Variants in SCML2 observed in about 807,000 individuals in gnomAD.
SCML2 encodes the protein Scm polycomb group protein like 2.
Under a neutral mutation model 48.4 loss-of-function variants are expected in SCML2, and 6 were observed. The observed-to-expected ratio is 0.12, with a 90% CI of 0.07 to 0.24. The LOEUF is 0.24. Ranked by LOEUF, SCML2 falls within the 10% of genes least tolerant of loss-of-function variation. The pLI is 1.00. For synonymous variants in SCML2, 181 were observed against 189.5 expected (o/e 0.95, Z 0.37); for missense variants, 377 against 528.2 (o/e 0.71, Z 2.81).
At chrX:18,348,014 T>C (rs756259501) in intron 1 of SCML2, among the ~76,000 whole-genome samples, 1 of 112,053 alleles carries the variant, frequency 8.9e-6, no homozygotes, top group Non-Finnish European at 1.9e-5. Context: ...AGTTAATCAC[T>C]TGCAATTTCA....
intron 11 of SCML2, among the ~76,000 whole-genome samples, chrX:18,253,071 G>C (rs899349445): frequency 8.9e-6 from 1 of 111,773 alleles, no homozygotes; most frequent in Non-Finnish European, 1.9e-5. Flanking sequence ...TGAGGAAGAA[G>C]GCTAAAGAGC....
intron 7 of SCML2, among the ~76,000 whole-genome samples, chrX:18,284,856 C>A (rs1927989453): frequency 9.0e-6 from 1 of 111,636 alleles, no homozygotes; most frequent in Non-Finnish European, 1.9e-5. Context: ...GCCTGACCAA[C>A]ATGGAAAAAC....
chrX:18,251,506 A>G (rs757949140), intron 11 of SCML2, among the ~76,000 whole-genome samples: 2 of 111,126 alleles, frequency 1.8e-5, no homozygotes, highest in African/African-American at 6.6e-5. Flanking sequence ...ATTTCTCTGA[A>G]GATATACAAA....
chrX:18,317,103 T>C (rs1317927688), intron 6 of SCML2, among the ~76,000 whole-genome samples: 5 of 112,144 alleles, frequency 4.5e-5, no homozygotes, highest in African/African-American at 6.5e-5. Context: ...AAATTTTTTT[T>C]CAGGCAGGGT....
intron 7 of SCML2, among the ~76,000 whole-genome samples, chrX:18,290,853 G>A (rs1928209428): frequency 9.0e-6 from 1 of 110,966 alleles, no homozygotes; most frequent in African/African-American, 3.3e-5. Context: ...CTAAGTTGCT[G>A]GATTATCCTG....
intron 7 of SCML2, among the ~76,000 whole-genome samples, chrX:18,291,578 A>G (rs889489231): frequency 8.9e-5 from 10 of 112,034 alleles, no homozygotes; most frequent in Non-Finnish European, 1.5e-4. Flanking sequence ...ATGCCTCGTT[A>G]CATTTTTTAA....
At chrX:18,329,289 T>C (rs780474892) in intron 3 of SCML2, among the ~76,000 whole-genome samples, 74 of 110,264 alleles carry the variant, frequency 6.7e-4, no homozygotes, top group African/African-American at 2.2e-3. Context: ...CAGGGAAGAG[T>C]TGAAGAACAA....
intron 1 of SCML2, among the ~76,000 whole-genome samples, chrX:18,346,053 G>A (rs1930190012): frequency 9.0e-6 from 1 of 110,649 alleles, no homozygotes; most frequent in African/African-American, 3.3e-5. Flanking sequence ...GCTCACGTAA[G>A]CCACGGCGCT....
chrX:18,347,449 A>C (rs1389926388), intron 1 of SCML2, among the ~76,000 whole-genome samples: 11 of 109,001 alleles, frequency 1.0e-4, no homozygotes, highest in Non-Finnish European at 2.1e-4. Context: ...CCATTTCAAA[A>C]AAAAAAAAAG....
chrX:18,318,606 T>C (rs185898335), intron 6 of SCML2, among the ~76,000 whole-genome samples: 1 of 112,635 alleles, frequency 8.9e-6, no homozygotes, highest in East Asian at 2.8e-4. Flanking sequence ...ACATTACTTC[T>C]GAAACCAAAT....
intron 7 of SCML2, among the ~76,000 whole-genome samples, chrX:18,302,895 G>A: frequency 8.9e-6 from 1 of 112,190 alleles, no homozygotes; most frequent in Non-Finnish European, 1.9e-5. Flanking sequence ...TCAGCTAGCA[G>A]TAATAGAAAA....
intron 3 of SCML2, among the ~76,000 whole-genome samples, chrX:18,329,427 C>T (rs976908577): frequency 8.9e-6 from 1 of 112,106 alleles, no homozygotes; most frequent in African/African-American, 3.2e-5. Flanking sequence ...GGGTGAACTG[C>T]TCTGCACTGG....
At chrX:18,287,901 G>GA (rs1182326942) in intron 7 of SCML2, among the ~76,000 whole-genome samples, 12 of 111,313 alleles carry the variant, frequency 1.1e-4, no homozygotes, top group Non-Finnish European at 1.9e-4. Flanking sequence ...CCTCATGGGG[G>GA]ATGCTTCTTA....
chrX:18,269,893 T>C (rs1927390190), intron 7 of SCML2, among the ~76,000 whole-genome samples: 1 of 111,512 alleles, frequency 9.0e-6, no homozygotes, highest in Non-Finnish European at 1.9e-5. Flanking sequence ...TCTAACTATT[T>C]TGGCATTTGA....
At chrX:18,294,730 T>C (rs774934657) in intron 7 of SCML2, among the ~76,000 whole-genome samples, 21 of 110,624 alleles carry the variant, frequency 1.9e-4, no homozygotes, top group Admixed American at 5.8e-4. Context: ...CCCAGCACTC[T>C]ACCATACACA....
At chrX:18,246,896 A>C (rs1046368809) in intron 12 of SCML2, 68 bp from the exon 13 acceptor site, 22 of 1,036,947 alleles carry the variant, frequency 2.1e-5, no homozygotes, top group Non-Finnish European at 2.9e-5. Flanking sequence ...TAAAAGGTTA[A>C]AAATCTCATC....
intron 6 of SCML2, among the ~76,000 whole-genome samples, chrX:18,313,326 C>T (rs147591958): frequency 0.017 from 1,851 of 110,588 alleles, 37 homozygotes; most frequent in African/African-American, 0.058. Flanking sequence ...ATGCTATTCT[C>T]GTGGTAGTGA....
At chrX:18,336,609 C>T (rs5909178) in intron 1 of SCML2, among the ~76,000 whole-genome samples, 22,821 of 107,871 alleles carry the variant, frequency 0.21, 1,917 homozygotes, top group Middle Eastern at 0.33. Context: ...TGGTGGCGGG[C>T]GCCTGTAGTC....
At chrX:18,249,079 G>T (rs1186786500) in intron 11 of SCML2, among the ~76,000 whole-genome samples, 1 of 111,742 alleles carries the variant, frequency 8.9e-6, no homozygotes, top group Non-Finnish European at 1.9e-5. Flanking sequence ...CATCAGAGAA[G>T]CACTTCCAGG....
Sources: allele counts gnomAD v4.1 joint callset (sites outside exome capture counted in the v4.1 genomes callset), GRCh38; gene constraint gnomAD v4.1.1; transcripts MANE v1.5; gene names NCBI Gene and HGNC (gene_info 2026-07-23, HGNC 2026-07-21).